ATCAY: variants seen among roughly 807,000 people sequenced by gnomAD.
The protein encoded by ATCAY is ATCAY kinesin light chain interacting caytaxin.
ATCAY carries 22 observed loss-of-function variants against 47.7 expected under a neutral mutation model. The ratio of observed to expected loss-of-function variants is 0.46; its 90% CI spans 0.33 to 0.66. ATCAY has a LOEUF of 0.66. ATCAY is among the 30% of genes least tolerant of loss of function. ATCAY has a pLI of 0.02. For missense variants in ATCAY, 452 were observed against 515.0 expected (o/e 0.88, Z 1.18); for synonymous variants, 216 against 207.6 (o/e 1.04, Z -0.35).
chr19:3,924,772 TA>T lies in ATCAY; in HGVS notation c.*181del, dbSNP rs2039052282. ...CCTTTTCAGCTGCTTGAAAACATTG[TA>T]TTTTTTTTTTTTAACGATGCAGTAT... On this transcript the variant is annotated 3_prime_UTR_variant, in exon 13 of 13. Coordinates refer to ENST00000450849, the MANE Select transcript of ATCAY (RefSeq NM_033064.5). The T allele has an allele frequency of 1.8e-6, 1 of 567,894 alleles. No individual in the cohort carries two copies. The highest frequency in any genetic ancestry group is 4.8e-5 in the African/African-American group (1 of 21,034). 35.2% of individuals were successfully genotyped at this position (567,894 alleles called of 1,614,324 possible).
At chr19:3,917,314 G>A (rs961731151) in intron 9 of ATCAY, among the ~76,000 whole-genome samples, 5 of 151,876 alleles carry the variant, frequency 3.3e-5, no homozygotes, top group African/African-American at 1.2e-4. Context: ...GCCGGGCGCG[G>A]TGGTTCGCGC....
chr19:3,913,960 G>A, intron 9 of ATCAY, 104 bp downstream of exon 9: 5 of 995,660 alleles, frequency 5.0e-6, no homozygotes, highest in Non-Finnish European at 7.6e-6. Flanking sequence ...TAAGGGGCCG[G>A]GCGCGGTGGC....
chr19:3,907,790 G>A lies in ATCAY; in HGVS notation c.415G>A (p.Gly139Arg), dbSNP rs761078143. 1 of 1,614,020 alleles carries A rather than the reference G, an allele frequency of 6.2e-7. No homozygotes were observed. Among genetic ancestry groups the A allele is most frequent in the Admixed American group, 1.7e-5 (1 of 60,016 alleles). The stretch of plus-strand genomic sequence containing the variant: ...GCCCGGGGACAGCGCGGATCTATTT[G>A]GGGACGGCACGACGGAGGACGGCAG... ...NMPGDSADLF[G>R]DGTTEDGSAA... Residue 139 changes from glycine to arginine, a missense_variant, in exon 5 of 13, where the codon GGG (glycine) becomes AGG (arginine). Coordinates refer to ENST00000450849, the MANE Select transcript of ATCAY (RefSeq NM_033064.5). This position sits in a 1 kb window ranked among gnomAD's most constrained non-coding sequence, Gnocchi z 5.1.
intron 8 of ATCAY, among the ~76,000 whole-genome samples, chr19:3,912,886 T>TAAAA (rs36107570): frequency 0.021 from 3,093 of 145,626 alleles, 95 homozygotes; most frequent in African/African-American, 0.073. Context: ...CTCTGTCTCT[T>TAAAA]AAAAAAAAAA....
chr19:3,901,602 C>T (rs970440193), intron 2 of ATCAY, among the ~76,000 whole-genome samples: 1 of 152,120 alleles, frequency 6.6e-6, no homozygotes, highest in Non-Finnish European at 1.5e-5. Context: ...CTTCATTCTC[C>T]TCAAGCCGTG....
intron 1 of ATCAY, among the ~76,000 whole-genome samples, chr19:3,885,107 T>A (rs2038636553): frequency 9.0e-6 from 1 of 111,158 alleles, no homozygotes; most frequent in African/African-American, 3.2e-5. Context: ...TGTTTTTTTT[T>A]TTAAAAAAAA....
intron 9 of ATCAY, among the ~76,000 whole-genome samples, chr19:3,915,976 C>A (rs904560279): frequency 6.6e-6 from 1 of 151,988 alleles, no homozygotes; most frequent in Non-Finnish European, 1.5e-5. Context: ...AGGCATGAGC[C>A]ACTGCACCCG....
intron 10 of ATCAY, 77 bp downstream of exon 10, chr19:3,917,854 C>T (rs1306163657): frequency 7.9e-6 from 12 of 1,525,680 alleles, no homozygotes; most frequent in Admixed American, 1.9e-5. Flanking sequence ...TAGGGCAACC[C>T]GGTGACTTCT....
chr19:3,910,080 C>T (rs899751587), intron 7 of ATCAY, among the ~76,000 whole-genome samples: 2 of 152,132 alleles, frequency 1.3e-5, no homozygotes, highest in African/African-American at 4.8e-5. Context: ...CAGAGCGAGA[C>T]TCTGTCCCCA....
At chr19:3,906,273 C>T (rs2038860099) in intron 4 of ATCAY, among the ~76,000 whole-genome samples, 1 of 150,686 alleles carries the variant, frequency 6.6e-6, no homozygotes, top group Admixed American at 6.6e-5. Flanking sequence ...AGGAGGGGTG[C>T]CAGGAGGAGG....
chr19:3,888,894 G>C (rs1174139909), intron 2 of ATCAY, among the ~76,000 whole-genome samples: 1 of 151,998 alleles, frequency 6.6e-6, no homozygotes, highest in Non-Finnish European at 1.5e-5. Context: ...CCTGAATCCA[G>C]TCATTGCCAG....
rs946461588 is a variant in ATCAY at position 3,924,865 on chromosome 19, G to C, written c.*273G>C. ...CTTCCACACTCACGAACTCTCAGCC[G>C]AGGAAGGCAAGAAGCGCAGGGGGTG... On this transcript the variant is annotated 3_prime_UTR_variant, in exon 13 of 13. Transcript: ENST00000450849. 2 of 454,848 alleles carry C rather than the reference G, an allele frequency of 4.4e-6. No individual in the cohort carries two copies. Among genetic ancestry groups the C allele is most frequent in the African/African-American group, 4.0e-5 (2 of 50,574 alleles). The allele number at this position is 454,848 out of a possible 1,614,324, so 28.2% of individuals were successfully genotyped here.
At chr19:3,886,418 C>G (rs1474210778) in intron 2 of ATCAY, among the ~76,000 whole-genome samples, 1 of 152,044 alleles carries the variant, frequency 6.6e-6, no homozygotes, top group Non-Finnish European at 1.5e-5. Flanking sequence ...TGGTGAAACT[C>G]CATCTCTACT....
chr19:3,903,627 G>C (rs1199619433), intron 3 of ATCAY, among the ~76,000 whole-genome samples: 1 of 151,548 alleles, frequency 6.6e-6, no homozygotes, highest in Admixed American at 6.6e-5. Flanking sequence ...GGGCTCAAGA[G>C]ATCCTCCTGC....
chr19:3,892,580 C>T (rs2038727657), intron 2 of ATCAY, among the ~76,000 whole-genome samples: 1 of 152,108 alleles, frequency 6.6e-6, no homozygotes, highest in Non-Finnish European at 1.5e-5. Context: ...TAGGATTATA[C>T]AATTGTTAAC....
intron 10 of ATCAY, 136 bp from the exon 11 acceptor site, chr19:3,918,670 G>A (rs1484625669): frequency 1.3e-6 from 1 of 799,300 alleles, no homozygotes; most frequent in Non-Finnish European, 2.0e-6. Flanking sequence ...AAATAGCAAA[G>A]GCAGGGAACA....
rs1164716183 is a variant in ATCAY at position 3,910,838 on chromosome 19, A to G, written c.815A>G (p.His272Arg). ...AACCTGAAGTCCTTGATCATCGTCC[A>G]CCCCTCGTGGTTCATTCGGACTGTG... ...RKNLKSLIIV[H>R]PSWFIRTVLA... Residue 272 changes from histidine (H) to arginine (R), a missense_variant, in exon 8 of 13, where the codon CAC becomes CGC. His to Arg is a conservative substitution (Grantham distance 29, BLOSUM62 0). Transcript: ENST00000450849. 6.2e-7 allele frequency: 1 copy of G among 1,613,752 alleles called. No individual in the cohort carries two copies. Among genetic ancestry groups the G allele is most frequent in the Non-Finnish European group, 8.5e-7 (1 of 1,179,840 alleles).
intron 1 of ATCAY, among the ~76,000 whole-genome samples, chr19:3,881,685 C>T (rs1302759484): frequency 7.4e-6 from 1 of 134,986 alleles, no homozygotes; most frequent in Non-Finnish European, 1.6e-5. Context: ...CCTGTGGCTG[C>T]AGCTGGCAGG....
intron 2 of ATCAY, among the ~76,000 whole-genome samples, chr19:3,895,956 A>G (rs1205264510): frequency 1.3e-5 from 2 of 151,766 alleles, no homozygotes; most frequent in Admixed American, 1.3e-4. Flanking sequence ...GTCTCAAGAG[A>G]TCCTCCCACC....
Sources: allele counts gnomAD v4.1 joint callset (sites outside exome capture counted in the v4.1 genomes callset), GRCh38; gene constraint gnomAD v4.1.1; non-coding constraint Gnocchi (gnomAD v3.1); transcripts MANE v1.5; gene names NCBI Gene and HGNC (gene_info 2026-07-23, HGNC 2026-07-21).